CCSER1: variants seen among roughly 807,000 people sequenced by gnomAD.
CCSER1 encodes coiled-coil serine rich protein 1.
CCSER1 carries 41 observed loss-of-function variants against 82.0 expected under a neutral mutation model. That is an observed-to-expected ratio of 0.50 (90% CI 0.39 to 0.65). The LOEUF (loss-of-function observed/expected upper bound fraction) is 0.65, where lower values mean the gene tolerates loss of function less well. CCSER1 is among the 30% of genes least tolerant of loss of function. The probability of loss-of-function intolerance (pLI) is 0.00; values close to 1 mark genes in which losing one functional copy is unlikely to be tolerated. For missense variants in CCSER1, 1,119 were observed against 1,064.2 expected (o/e 1.05, Z -0.72); for synonymous variants, 414 against 383.9 (o/e 1.08, Z -0.92).
rs56988615 is a variant in CCSER1, at chr4:90,616,683, TCACACACACACACACA to T, written c.1725-11301_1725-11286del. Reference sequence around the variant, plus strand: ...CTGGGCCACAGAGTGTGGCTCTGTCTCACACACACACACACACACACACACACACACACACACACAC... The same window carrying T: ...CTGGGCCACAGAGTGTGGCTCTGTCTCACACACACACACACACACACACAC... On this transcript the variant is annotated intron_variant, in intron 5 of 10. Coordinates refer to ENST00000509176, the MANE Select transcript of CCSER1 (RefSeq NM_001145065.2). Among the ~76,000 whole-genome samples the T allele has an allele frequency of 2.4e-3, 284 of 120,362 alleles. 3 individuals are homozygous for T. Among genetic ancestry groups the T allele is most frequent in the East Asian group, 0.015 (60 of 4,110 alleles). 79.0% of individuals were successfully genotyped at this position (120,362 alleles called of 152,430 possible). A position where few individuals can be genotyped will look rare whatever the true frequency, so the allele number is the denominator to read the frequency against.
chr4:91,153,726 A>G (rs1254812588), intron 10 of CCSER1, among the ~76,000 whole-genome samples: 1 of 151,874 alleles, frequency 6.6e-6, no homozygotes, highest in Non-Finnish European at 1.5e-5. Context: ...TTTCCTTCTA[A>G]CAGTGAAGAC....
chr4:91,467,660 A>T (rs947694901), intron 10 of CCSER1, among the ~76,000 whole-genome samples: 22 of 152,308 alleles, frequency 1.4e-4, no homozygotes, highest in African/African-American at 4.8e-4. Context: ...TACAAGAAAA[A>T]AACAAACAAC....
chr4:90,188,298 AT>A (rs1198604923), intron 1 of CCSER1, among the ~76,000 whole-genome samples: 2 of 151,854 alleles, frequency 1.3e-5, no homozygotes, highest in Non-Finnish European at 2.9e-5. Flanking sequence ...TTTTAAAAAA[AT>A]ATATAGTAGC....
chr4:91,073,028 G>A (rs1721594673), intron 9 of CCSER1, among the ~76,000 whole-genome samples: 1 of 152,022 alleles, frequency 6.6e-6, no homozygotes, highest in Non-Finnish European at 1.5e-5. Flanking sequence ...GCATGGTTAA[G>A]TGCCTGAAAA....
At chr4:91,144,605 C>T (rs1189529814) in intron 10 of CCSER1, among the ~76,000 whole-genome samples, 3 of 150,378 alleles carry the variant, frequency 2.0e-5, no homozygotes, top group Non-Finnish European at 4.4e-5. Flanking sequence ...AGCACTATAA[C>T]CTGTCCTCTT....
At chr4:90,404,299 A>G (rs1215243741) in intron 4 of CCSER1, among the ~76,000 whole-genome samples, 1 of 152,078 alleles carries the variant, frequency 6.6e-6, no homozygotes, top group Non-Finnish European at 1.5e-5. Context: ...TCCCCACAAA[A>G]GTCACAGCAA....
At chr4:90,810,782 G>A (rs1758160536) in intron 7 of CCSER1, among the ~76,000 whole-genome samples, 1 of 151,860 alleles carries the variant, frequency 6.6e-6, no homozygotes, top group African/African-American at 2.4e-5. Flanking sequence ...CCAAAGGGGT[G>A]TGCCACTTGG....
chr4:91,006,960 T>A (rs80308181), intron 9 of CCSER1, among the ~76,000 whole-genome samples: 11,845 of 152,254 alleles, frequency 0.078, 555 homozygotes, highest in South Asian at 0.17. Flanking sequence ...TTGCTATCCC[T>A]AATTTGTTGA....
intron 1 of CCSER1, among the ~76,000 whole-genome samples, chr4:90,243,164 A>T (rs1720713841): frequency 6.6e-6 from 1 of 151,288 alleles, no homozygotes; most frequent in Non-Finnish European, 1.5e-5. Context: ...CCTGGGCTGA[A>T]GTAATCCTTC....
chr4:90,530,301 A>G (rs927101619), intron 5 of CCSER1, among the ~76,000 whole-genome samples: 1 of 152,198 alleles, frequency 6.6e-6, no homozygotes. Context: ...TTCATAGATT[A>G]TTGGTGTCAA....
At chr4:90,502,745 G>T (rs1770106782) in intron 5 of CCSER1, among the ~76,000 whole-genome samples, 1 of 152,038 alleles carries the variant, frequency 6.6e-6, no homozygotes, top group Non-Finnish European at 1.5e-5. Context: ...ATATATCTTG[G>T]ATATTTATTT....
In CCSER1 at chr4:90,683,124, G is replaced by A. The variant is rs1734190614; in HGVS notation, c.1933-40790G>A. The A allele has an allele frequency of 2.6e-5, 4 of 152,116 alleles. No individual in the cohort carries two copies. In the South Asian group the frequency reaches 8.3e-4, roughly 31 times the overall value. 9.4% of individuals were successfully genotyped at this position (152,116 alleles called of 1,614,324 possible). On this transcript the variant is annotated intron_variant, in intron 6 of 10. Transcript: ENST00000509176. ...AAAAGATGAGAGATTAAGAAGCAGA[G>A]TACGAAGATGAAATAATTATTTATT...
intron 5 of CCSER1, among the ~76,000 whole-genome samples, chr4:90,551,270 C>A (rs529994292): frequency 1.3e-5 from 2 of 152,138 alleles, no homozygotes; most frequent in Non-Finnish European, 2.9e-5. Flanking sequence ...AAGTCCAAAT[C>A]TCTTCACATG....
chr4:90,235,704 T>TA (rs563567630), intron 1 of CCSER1, among the ~76,000 whole-genome samples: 41 of 146,796 alleles, frequency 2.8e-4, no homozygotes, highest in South Asian at 6.5e-4. Context: ...TGTGCTTTTG[T>TA]AAAAAAAAAA....
intron 7 of CCSER1, among the ~76,000 whole-genome samples, chr4:90,726,314 G>A (rs1367135302): frequency 6.6e-6 from 1 of 151,704 alleles, no homozygotes; most frequent in Non-Finnish European, 1.5e-5. Context: ...AAGACAAATG[G>A]TAAATTATTT....
chr4:91,589,867 A>G (rs1008488373), intron 10 of CCSER1, among the ~76,000 whole-genome samples: 11 of 151,724 alleles, frequency 7.3e-5, no homozygotes, highest in African/African-American at 2.7e-4. Context: ...TTAACTAAGG[A>G]GAATTACTGA....
intron 5 of CCSER1, among the ~76,000 whole-genome samples, chr4:90,554,466 T>G (rs2153643675): frequency 6.6e-6 from 1 of 152,290 alleles, no homozygotes; most frequent in African/African-American, 2.4e-5. Flanking sequence ...ATACCGAAAA[T>G]ATTTCATGAA....
intron 5 of CCSER1, among the ~76,000 whole-genome samples, chr4:90,491,250 A>T (rs988887233): frequency 6.0e-4 from 91 of 151,980 alleles, no homozygotes; most frequent in Admixed American, 4.6e-3. Flanking sequence ...CATAAGTTGG[A>T]TTCCTAGGTA....
intron 4 of CCSER1, among the ~76,000 whole-genome samples, chr4:90,425,169 TATC>T (rs1757348872): frequency 6.6e-6 from 1 of 152,208 alleles, no homozygotes; most frequent in African/African-American, 2.4e-5. Context: ...TCTCAGATTT[TATC>T]TTTTAACCCA....
Sources: gnomAD v4.1 joint callset for allele counts (sites outside exome capture counted in the v4.1 genomes callset) on GRCh38, gnomAD v4.1.1 for gene constraint, MANE v1.5 for transcripts, NCBI Gene and HGNC (gene_info 2026-07-23, HGNC 2026-07-21) for gene names.